The following COL5A1 variants were observed in gnomAD, a reference collection of about 807,000 sequenced individuals.
The protein encoded by COL5A1 is collagen alpha-1(V) chain.
Under a neutral mutation model 263.7 loss-of-function variants are expected in COL5A1, and 16 were observed. That is an observed-to-expected ratio of 0.06 (90% CI 0.04 to 0.09). COL5A1 has a LOEUF of 0.09. Among genes scored for constraint, COL5A1 ranks in the 10% least tolerant of loss-of-function variants. The probability of loss-of-function intolerance (pLI) is 1.00; values close to 1 mark genes in which losing one functional copy is unlikely to be tolerated. For synonymous variants in COL5A1, 1,012 were observed against 1,004.5 expected (o/e 1.01, Z -0.14); for missense variants, 2,036 against 2,540.5 (o/e 0.80, Z 4.27).
Position 134,780,149 on chromosome 9 carries a change from A to G in COL5A1, c.2430+3A>G, listed in dbSNP as rs1330524760. 12 of 1,613,244 alleles carry G rather than the reference A, an allele frequency of 7.4e-6. No homozygotes were observed. The East Asian group carries it at 2.7e-4, about 36-fold the overall frequency. ...TGAAGGGCACAAAGGGCGAGAAGGT[A>G]AGTCTCTCCTTGCAGCCACGGGGCC... On this transcript the variant is annotated splice_donor_region_variant and intron_variant, in intron 28 of 65. Transcript: ENST00000371817.
intron 1 of COL5A1, among the ~76,000 whole-genome samples, chr9:134,648,522 C>T (rs892554243): frequency 5.9e-5 from 9 of 152,004 alleles, no homozygotes; most frequent in Admixed American, 3.9e-4. Context: ...TGCATTTTCC[C>T]ACCCTGTGCC....
At chr9:134,797,714 C>G (rs1477937778) in intron 36 of COL5A1, among the ~76,000 whole-genome samples, 2 of 152,182 alleles carry the variant, frequency 1.3e-5, no homozygotes, top group African/African-American at 4.8e-5. Flanking sequence ...AACTCCTGAC[C>G]TCAGGTGATC....
chr9:134,728,930 G>C, intron 6 of COL5A1, 123 bp downstream of exon 6: 1 of 1,286,628 alleles, frequency 7.8e-7, no homozygotes, highest in Admixed American at 1.9e-5. Flanking sequence ...AAGGTTGCGG[G>C]GGCAGCTCAG....
intron 61 of COL5A1, among the ~76,000 whole-genome samples, chr9:134,824,019 G>GTA (rs372615876): frequency 2.7e-5 from 4 of 150,936 alleles, no homozygotes; most frequent in African/African-American, 9.9e-5. Context: ...ATGTGCATGT[G>GTA]TGTGTGTGTG....
intron 19 of COL5A1, 75 bp from the exon 20 acceptor site, chr9:134,763,618 G>A (rs1836548944): frequency 6.8e-7 from 1 of 1,460,216 alleles, no homozygotes; most frequent in Non-Finnish European, 9.6e-7. Flanking sequence ...GAGAACCCTT[G>A]TGCACCACTG....
At position 134,787,937 on chromosome 9, in the gene COL5A1, T is replaced by C. The variant is rs1045452181; in HGVS notation, c.2647-1218T>C. Reference sequence around the variant, plus strand: ...CTTTCTAGAGCTGAAGCCTGTGAAATGCTTAGGAAATATTTATTGAGTAGA... The same window carrying C: ...CTTTCTAGAGCTGAAGCCTGTGAAACGCTTAGGAAATATTTATTGAGTAGA... On this transcript the variant is annotated intron_variant, in intron 31 of 65. Coordinates refer to ENST00000371817, the MANE Select transcript of COL5A1 (RefSeq NM_000093.5). 1.4e-4 allele frequency among the ~76,000 whole-genome samples: 21 copies of C among 152,260 alleles called. 1 individual carries two copies. Among genetic ancestry groups the C allele is most frequent in the Middle Eastern group, 3.4e-3 (1 of 294 alleles).
rs376936600 is a variant in COL5A1, at chr9:134,784,955, G to GGGGGGCA, written c.2485-34_2485-33insGGGGGCA. Reference sequence around the variant, plus strand: ...GTGGAGAATAGTGTGTGTGCGGGGGGTGGTCTTCTCACCTCCTCTTTTCTG... The same window carrying GGGGGGCA: ...GTGGAGAATAGTGTGTGTGCGGGGGGGGGGGCATGGTCTTCTCACCTCCTCTTTTCTG... On this transcript the variant is annotated intron_variant, in intron 29 of 65. Coordinates refer to ENST00000371817, the MANE Select transcript of COL5A1 (RefSeq NM_000093.5). 2,139 of 1,501,798 alleles carry GGGGGGCA rather than the reference G, an allele frequency of 1.4e-3. 10 individuals carry two copies. Among genetic ancestry groups the GGGGGGCA allele is most frequent in the African/African-American group, 0.012 (875 of 72,106 alleles). 93.0% of individuals were successfully genotyped at this position (1,501,798 alleles called of 1,614,324 possible). A position where few individuals can be genotyped will look rare whatever the true frequency, so the allele number is the denominator to read the frequency against.
Position 134,716,180 on chromosome 9 carries a change from C to T in COL5A1, c.655-11086C>T, listed in dbSNP as rs948733168. On this transcript the variant is annotated intron_variant, in intron 4 of 65. Coordinates refer to ENST00000371817, the MANE Select transcript of COL5A1 (RefSeq NM_000093.5). This position sits in a 1 kb window ranked among gnomAD's most constrained non-coding sequence, Gnocchi z 4.5. The stretch of plus-strand genomic sequence containing the variant: ...GTGTTCTGGTGCAATCCCATTTAGT[C>T]CTCTGCTCTATGAGGTAGATCTTAT... Among the ~76,000 whole-genome samples the T allele has an allele frequency of 6.6e-6, 1 of 152,092 alleles. No homozygotes were observed. Among genetic ancestry groups the T allele is most frequent in the Non-Finnish European group, 1.5e-5 (1 of 68,022 alleles).
At chr9:134,761,245 C>G (rs1836425508) in intron 18 of COL5A1, among the ~76,000 whole-genome samples, 1 of 150,420 alleles carries the variant, frequency 6.6e-6, no homozygotes, top group African/African-American at 2.5e-5. Flanking sequence ...TACCCCCACA[C>G]ACTCCACCCA....
At chr9:134,713,327 C>A (rs1332409850) in intron 4 of COL5A1, among the ~76,000 whole-genome samples, 2 of 152,234 alleles carry the variant, frequency 1.3e-5, no homozygotes, top group African/African-American at 2.4e-5. Flanking sequence ...CAGCCTGGCT[C>A]CTAACATAAC....
chr9:134,828,415 TCA>T (rs1302128505), intron 63 of COL5A1, among the ~76,000 whole-genome samples: 3 of 151,566 alleles, frequency 2.0e-5, no homozygotes, highest in Admixed American at 6.6e-5. Context: ...CGCACACGTC[TCA>T]GTCCCCAGGA....
chr9:134,827,619 G>A (rs573719003), intron 63 of COL5A1, among the ~76,000 whole-genome samples: 6 of 152,326 alleles, frequency 3.9e-5, no homozygotes, highest in African/African-American at 7.2e-5. Flanking sequence ...GGGAAGCCGC[G>A]GCTGGTGTTC....
At chr9:134,695,251 C>G (rs532498782) in intron 2 of COL5A1, among the ~76,000 whole-genome samples, 3 of 152,222 alleles carry the variant, frequency 2.0e-5, no homozygotes. Flanking sequence ...CTGCCCACAC[C>G]CCCCTGCCCC....
rs1831521171 is a variant in COL5A1, at chr9:134,647,705, A to G, written c.109+5409A>G. 6.6e-6 allele frequency among the ~76,000 whole-genome samples: 1 copy of G among 152,238 alleles called. No homozygotes were observed. Among genetic ancestry groups the G allele is most frequent in the Non-Finnish European group, 1.5e-5 (1 of 68,042 alleles). ...TTCTGCCGCAGGGCAAGCCGGGTCC[A>G]GCTGGATCCGACAATTTCATGTCTT... On this transcript the variant is annotated intron_variant, in intron 1 of 65. Coordinates refer to ENST00000371817, the MANE Select transcript of COL5A1 (RefSeq NM_000093.5). This position sits in a 1 kb window ranked among gnomAD's most constrained non-coding sequence, Gnocchi z 5.0.
At chr9:134,822,843 T>C in intron 59 of COL5A1, 155 bp from the exon 60 acceptor site, 1 of 889,484 alleles carries the variant, frequency 1.1e-6, no homozygotes. Flanking sequence ...CCGACCCTCC[T>C]CCCACTCTAG....
rs1208913467 is a variant in COL5A1, at chr9:134,716,848, C to A, written c.655-10418C>A. On this transcript the variant is annotated intron_variant, in intron 4 of 65. Coordinates refer to ENST00000371817, the MANE Select transcript of COL5A1 (RefSeq NM_000093.5). The surrounding 1 kb of genome is among the most constrained non-coding windows in gnomAD (Gnocchi z 4.5). The stretch of plus-strand genomic sequence containing the variant: ...TGTGAGTAGACTTGACCCTACACGT[C>A]TTGGGCTGGTGGCTGCAGGTGAGAA... Among the ~76,000 whole-genome samples the A allele has an allele frequency of 2.0e-5, 3 of 152,188 alleles. No individual in the cohort carries two copies. The highest frequency in any genetic ancestry group is 4.4e-5 in the Non-Finnish European group (3 of 68,030).
At chr9:134,798,183 G>C (rs539067404) in intron 36 of COL5A1, among the ~76,000 whole-genome samples, 1 of 152,208 alleles carries the variant, frequency 6.6e-6, no homozygotes, top group Non-Finnish European at 1.5e-5. Context: ...ACAACAGCAC[G>C]TCCCATGGGG....
At chr9:134,714,327 T>C (rs1430969019) in intron 4 of COL5A1, among the ~76,000 whole-genome samples, 2 of 148,542 alleles carry the variant, frequency 1.3e-5, no homozygotes, top group Non-Finnish European at 3.0e-5. Context: ...GGTGGTGATA[T>C]TAATGGTGAG....
At position 134,804,876 on chromosome 9, in the gene COL5A1, C is replaced by T. The variant is rs1340299257; in HGVS notation, c.3115-99C>T. 5 of 1,036,592 alleles carry T rather than the reference C, an allele frequency of 4.8e-6. No individual in the cohort carries two copies. In the African/African-American group the frequency reaches 7.9e-5, roughly 16 times the overall value. The allele number at this position is 1,036,592 out of a possible 1,614,324, so 64.2% of individuals were successfully genotyped here. On this transcript the variant is annotated intron_variant, in intron 39 of 65. Transcript: ENST00000371817. ...ACTGGTGAGAGGTCTGCGTTGCTGG[C>T]TCCAAGAGAGAAGGCCCCAGCCCTT...
Sources: gnomAD v4.1 joint callset for allele counts (sites outside exome capture counted in the v4.1 genomes callset) on GRCh38, gnomAD v4.1.1 for gene constraint, Gnocchi (gnomAD v3.1) non-coding constraint, MANE v1.5 for transcripts, NCBI Gene and HGNC (gene_info 2026-07-23, HGNC 2026-07-21) for gene names.